Variants in RAB8B observed in about 807,000 individuals in gnomAD.
RAB8B encodes the protein RAB8B, member RAS oncogene family.
RAB8B carries 11 observed loss-of-function variants against 32.0 expected under a neutral mutation model. The observed-to-expected ratio is 0.34, with a 90% CI of 0.22 to 0.57. The LOEUF (loss-of-function observed/expected upper bound fraction) is 0.57, where lower values mean the gene tolerates loss of function less well. RAB8B is among the 20% of genes least tolerant of loss of function. RAB8B has a pLI of 0.86. For synonymous variants in RAB8B, 103 were observed against 89.6 expected, an observed-to-expected ratio of 1.15 and a Z score of -0.85; for missense variants, 190 against 258.5, an observed-to-expected ratio of 0.73 and a Z score of 1.82.
intron 1 of RAB8B, among the ~76,000 whole-genome samples, chr15:63,231,456 C>T (rs1019427423): frequency 6.7e-6 from 1 of 149,984 alleles, no homozygotes; most frequent in Non-Finnish European, 1.5e-5. Flanking sequence ...CTTCCCATAG[C>T]AATAGCGCCT....
At position 63,263,811 on chromosome 15, in the gene RAB8B, A is replaced by G; in HGVS notation, c.*192A>G. 1 of 508,360 alleles carries G rather than the reference A, an allele frequency of 2.0e-6. No homozygotes were observed. Among genetic ancestry groups the G allele is most frequent in the African/African-American group, 1.9e-5 (1 of 52,046 alleles). The allele number at this position is 508,360 out of a possible 1,614,324, so 31.5% of individuals were successfully genotyped here. A position where few individuals can be genotyped will look rare whatever the true frequency, so the allele number is the denominator to read the frequency against. ...AGCAAAAGAACAGACTCCCTTTTTCAAACATGGAAGCAATGAAGTGGAGAC... is the reference window on the plus strand; with the variant it reads ...AGCAAAAGAACAGACTCCCTTTTTCGAACATGGAAGCAATGAAGTGGAGAC... On this transcript the variant is annotated 3_prime_UTR_variant, in exon 8 of 8. Transcript: ENST00000321437.
At chr15:63,220,188 CCTGT>C (rs900664207) in intron 1 of RAB8B, among the ~76,000 whole-genome samples, 10 of 152,316 alleles carry the variant, frequency 6.6e-5, no homozygotes, top group East Asian at 3.9e-4. Context: ...AACCCCTAAA[CCTGT>C]CTAAGTTAAC....
chr15:63,239,410 GTT>G (rs71131153), intron 1 of RAB8B, among the ~76,000 whole-genome samples: 48 of 120,848 alleles, frequency 4.0e-4, no homozygotes, highest in South Asian at 3.3e-3. Context: ...AATTTCCGAA[GTT>G]TTTTTTTTTT....
chr15:63,234,677 G>T (rs959169361), intron 1 of RAB8B, among the ~76,000 whole-genome samples: 1 of 152,194 alleles, frequency 6.6e-6, no homozygotes. Flanking sequence ...ACGTGGTGAG[G>T]TATCTGCGAG....
At chr15:63,229,768 AAG>A (rs1282353360) in intron 1 of RAB8B, among the ~76,000 whole-genome samples, 1 of 131,654 alleles carries the variant, frequency 7.6e-6, no homozygotes, top group Non-Finnish European at 1.6e-5. Flanking sequence ...GTGACAGAGC[AAG>A]ACGCTGTTTC....
At chr15:63,227,314 CAAA>C (rs1272025055) in intron 1 of RAB8B, among the ~76,000 whole-genome samples, 1 of 152,036 alleles carries the variant, frequency 6.6e-6, no homozygotes, top group Admixed American at 6.6e-5. Flanking sequence ...CTGAGAACAC[CAAA>C]ACTGTGACCA....
chr15:63,241,632 C>G (rs2038032948), intron 1 of RAB8B, among the ~76,000 whole-genome samples: 1 of 152,156 alleles, frequency 6.6e-6, no homozygotes, highest in South Asian at 2.1e-4. Context: ...CTTCCAGATC[C>G]TGGTAACTAC....
At chr15:63,261,314 A>C (rs760757339) in intron 6 of RAB8B, among the ~76,000 whole-genome samples, 2 of 152,220 alleles carry the variant, frequency 1.3e-5, no homozygotes, top group Non-Finnish European at 1.5e-5. Flanking sequence ...ACCCTCATAT[A>C]CTGTGGGTAG....
At chr15:63,252,394 G>A (rs1340606947) in intron 3 of RAB8B, among the ~76,000 whole-genome samples, 1 of 152,110 alleles carries the variant, frequency 6.6e-6, no homozygotes, top group Admixed American at 6.5e-5. Context: ...GAGACTGAGA[G>A]GAATAAAATA....
intron 1 of RAB8B, among the ~76,000 whole-genome samples, chr15:63,240,050 A>G (rs1006492142): frequency 1.3e-5 from 2 of 152,078 alleles, no homozygotes; most frequent in Non-Finnish European, 2.9e-5. Flanking sequence ...TATGGGGCCC[A>G]CTGAGAGAAG....
At chr15:63,219,290 C>A (rs1472369340) in intron 1 of RAB8B, among the ~76,000 whole-genome samples, 1 of 147,214 alleles carries the variant, frequency 6.8e-6, no homozygotes, top group Non-Finnish European at 1.5e-5. Flanking sequence ...GAGCGAGACT[C>A]CCATCAAAAA....
chr15:63,261,772 C>T (rs2152585559), intron 6 of RAB8B, among the ~76,000 whole-genome samples: 1 of 152,234 alleles, frequency 6.6e-6, no homozygotes, highest in African/African-American at 2.4e-5. Context: ...TTTTGGGGAT[C>T]AGGAGTGTTG....
intron 1 of RAB8B, among the ~76,000 whole-genome samples, chr15:63,221,226 A>G (rs1244672074): frequency 2.6e-5 from 4 of 152,186 alleles, no homozygotes; most frequent in Non-Finnish European, 1.5e-5. Context: ...TGTGAAAAAT[A>G]ATGTTGGATA....
intron 5 of RAB8B, among the ~76,000 whole-genome samples, chr15:63,258,316 G>A (rs985649335): frequency 6.6e-6 from 1 of 151,992 alleles, no homozygotes; most frequent in Non-Finnish European, 1.5e-5. Context: ...TGGCCAGGCT[G>A]GTCTCTTAAC....
chr15:63,237,383 C>A (rs1377348576), intron 1 of RAB8B, among the ~76,000 whole-genome samples: 1 of 152,202 alleles, frequency 6.6e-6, no homozygotes, highest in Non-Finnish European at 1.5e-5. Flanking sequence ...TTCTCCACAT[C>A]CCTGCCAGTG....
intron 1 of RAB8B, among the ~76,000 whole-genome samples, chr15:63,237,563 C>T (rs1057391984): frequency 1.3e-5 from 2 of 152,142 alleles, no homozygotes; most frequent in Admixed American, 6.5e-5. Context: ...GTCTTCTGCT[C>T]ATTTTAAAAT....
chr15:63,263,593 A>G lies in RAB8B; in HGVS notation c.598A>G (p.Ser200Gly). ...AACAGAAAACCGATCAAAGAAGACC[A>G]GTTTCTTTCGTTGCTCGCTACTTTG... ...KITENRSKKT[S>G]FFRCSLL Residue 200 changes from serine (S) to glycine (G), a missense_variant, in exon 8 of 8, where the codon AGT (serine) becomes GGT (glycine). Ser to Gly is a moderately conservative substitution (Grantham distance 56). Around this residue, in one of 2 missense-constraint regions of RAB8B, gnomAD observed 110 missense variants for 115.9 expected, o/e 0.95. Coordinates refer to ENST00000321437, the MANE Select transcript of RAB8B (RefSeq NM_016530.3). 6.2e-7 allele frequency: 1 copy of G among 1,611,594 alleles called. No individual in the cohort carries two copies. Among genetic ancestry groups the G allele is most frequent in the Non-Finnish European group, 8.5e-7 (1 of 1,177,656 alleles).
chr15:63,249,583 G>T, intron 2 of RAB8B, 62 bp from the exon 3 acceptor site: 1 of 1,483,490 alleles, frequency 6.7e-7, no homozygotes, highest in East Asian at 2.3e-5. Flanking sequence ...CTACAGCAGG[G>T]TTTCTCCTCA....
chr15:63,243,296 A>G (rs1449347152), intron 1 of RAB8B, among the ~76,000 whole-genome samples: 1 of 152,232 alleles, frequency 6.6e-6, no homozygotes, highest in African/African-American at 2.4e-5. Context: ...TGGCCCAGGG[A>G]TTGAGAAACC....
Sources: allele counts gnomAD v4.1 joint callset (sites outside exome capture counted in the v4.1 genomes callset), GRCh38; gene constraint gnomAD v4.1.1; regional missense constraint gnomAD v4.1.1; transcripts MANE v1.5; gene names NCBI Gene and HGNC (gene_info 2026-07-23, HGNC 2026-07-21).